The following MAP2K4 variants were observed in gnomAD, a reference collection of about 807,000 sequenced individuals.
The protein encoded by MAP2K4 is dual specificity mitogen-activated protein kinase kinase 4.
Under a neutral mutation model 48.5 loss-of-function variants are expected in MAP2K4, and 4 were observed. The observed-to-expected ratio is 0.08, with a 90% CI of 0.04 to 0.19. MAP2K4 has a LOEUF of 0.19. Among genes scored for constraint, MAP2K4 ranks in the 10% least tolerant of loss-of-function variants. The pLI, the probability that MAP2K4 is intolerant of heterozygous loss-of-function variation, is 1.00. For synonymous variants in MAP2K4, 166 were observed against 173.1 expected (o/e 0.96, Z 0.32); for missense variants, 258 against 493.3 (o/e 0.52, Z 4.52).
intron 2 of MAP2K4, among the ~76,000 whole-genome samples, chr17:12,063,953 C>CA (rs1320931442): frequency 9.4e-6 from 1 of 106,154 alleles, no homozygotes. Flanking sequence ...GCTTGGGTGA[C>CA]AAGAGCAAAA....
chr17:12,102,214 G>C (rs1227286872), intron 4 of MAP2K4, among the ~76,000 whole-genome samples: 1 of 152,002 alleles, frequency 6.6e-6, no homozygotes, highest in East Asian at 1.9e-4. Flanking sequence ...GATTTTGTCA[G>C]GAATGGATGT....
intron 9 of MAP2K4, among the ~76,000 whole-genome samples, 164 bp from the exon 10 acceptor site, chr17:12,139,675 A>G (rs1222033036): frequency 6.6e-6 from 1 of 152,118 alleles, no homozygotes; most frequent in Non-Finnish European, 1.5e-5. Context: ...TAGACTCACA[A>G]TTTTTTGTAT....
chr17:12,047,928 A>G (rs1970017782), intron 1 of MAP2K4, among the ~76,000 whole-genome samples: 2 of 152,316 alleles, frequency 1.3e-5, no homozygotes, highest in South Asian at 2.1e-4. Context: ...TTGTATCTTG[A>G]TTAGTGTTCC....
At chr17:12,053,094 G>T (rs1416540203) in intron 1 of MAP2K4, among the ~76,000 whole-genome samples, 1 of 152,140 alleles carries the variant, frequency 6.6e-6, no homozygotes, top group Admixed American at 6.6e-5. Flanking sequence ...ATTCCATTTG[G>T]TTTCAAGACC....
At chr17:12,054,430 C>T (rs553045187) in intron 1 of MAP2K4, among the ~76,000 whole-genome samples, 180 of 152,010 alleles carry the variant, frequency 1.2e-3, no homozygotes, top group African/African-American at 4.0e-3. Flanking sequence ...TTTACTCTAC[C>T]GTAATGTTTT....
chr17:12,064,962 A>T (rs1970563825), intron 2 of MAP2K4, among the ~76,000 whole-genome samples: 1 of 152,202 alleles, frequency 6.6e-6, no homozygotes, highest in Non-Finnish European at 1.5e-5. Context: ...CACAAAAGAG[A>T]ACATACTGAT....
At chr17:12,042,010 G>GT (rs1969802522) in intron 1 of MAP2K4, among the ~76,000 whole-genome samples, 1 of 151,600 alleles carries the variant, frequency 6.6e-6, no homozygotes, top group Non-Finnish European at 1.5e-5. Flanking sequence ...GCGAAACCCC[G>GT]TCTCTATTAA....
chr17:12,036,890 TC>T (rs905761571), intron 1 of MAP2K4, among the ~76,000 whole-genome samples: 1 of 129,672 alleles, frequency 7.7e-6, no homozygotes, highest in South Asian at 2.7e-4. Flanking sequence ...ATCACTATCC[TC>T]CCCCCCGCCA....
chr17:12,107,441 G>T (rs1597474297), intron 4 of MAP2K4, among the ~76,000 whole-genome samples: 2 of 95,394 alleles, frequency 2.1e-5, no homozygotes, highest in South Asian at 3.2e-4. Context: ...TAAGATTACT[G>T]TCATCTATTT....
intron 10 of MAP2K4, 117 bp downstream of exon 10, chr17:12,140,001 T>G: frequency 1.6e-6 from 1 of 611,972 alleles, no homozygotes. Flanking sequence ...TCAAATTTAT[T>G]GAGTGTTTTT....
chr17:12,047,419 C>T (rs912765159), intron 1 of MAP2K4, among the ~76,000 whole-genome samples: 10 of 152,110 alleles, frequency 6.6e-5, no homozygotes, highest in African/African-American at 2.4e-4. Context: ...TCCCATTTGG[C>T]AGGTATGGCG....
At chr17:12,130,211 G>T (rs28921077) in intron 9 of MAP2K4, among the ~76,000 whole-genome samples, 1 of 152,004 alleles carries the variant, frequency 6.6e-6, no homozygotes, top group African/African-American at 2.4e-5. Flanking sequence ...AAAAATATTT[G>T]TTTGACTATA....
At chr17:12,093,829 T>C (rs1253996106) in intron 3 of MAP2K4, among the ~76,000 whole-genome samples, 1 of 152,178 alleles carries the variant, frequency 6.6e-6, no homozygotes, top group African/African-American at 2.4e-5. Flanking sequence ...CTTTTATAAA[T>C]AATTACCTTC....
At chr17:12,062,732 C>T (rs946388203) in intron 2 of MAP2K4, among the ~76,000 whole-genome samples, 2 of 152,154 alleles carry the variant, frequency 1.3e-5, no homozygotes, top group East Asian at 3.8e-4. Flanking sequence ...TGTATTTCGA[C>T]AATGTTTTCT....
chr17:12,054,050 A>G (rs1331565275), intron 1 of MAP2K4, among the ~76,000 whole-genome samples: 1 of 152,154 alleles, frequency 6.6e-6, no homozygotes, highest in African/African-American at 2.4e-5. Flanking sequence ...ATGATTCTGT[A>G]AGACTTATTG....
At chr17:12,109,088 G>A (rs989102147) in intron 5 of MAP2K4, among the ~76,000 whole-genome samples, 2 of 151,888 alleles carry the variant, frequency 1.3e-5, no homozygotes, top group African/African-American at 4.8e-5. Flanking sequence ...GGTAAATAGT[G>A]TTACCTCATT....
intron 7 of MAP2K4, among the ~76,000 whole-genome samples, chr17:12,114,130 T>C: frequency 6.6e-6 from 1 of 152,194 alleles, no homozygotes; most frequent in East Asian, 1.9e-4. Flanking sequence ...TGTAGACTGT[T>C]TTAAACTAAA....
intron 2 of MAP2K4, among the ~76,000 whole-genome samples, chr17:12,076,279 C>CTG (rs372806903): frequency 0.11 from 15,141 of 134,948 alleles, 895 homozygotes; most frequent in East Asian, 0.2. Context: ...TGTCACAGTT[C>CTG]TGTGTGTGTG....
intron 2 of MAP2K4, among the ~76,000 whole-genome samples, chr17:12,068,846 T>C (rs1035630591): frequency 6.6e-6 from 1 of 152,092 alleles, no homozygotes; most frequent in Non-Finnish European, 1.5e-5. Flanking sequence ...GTTGAAAATA[T>C]GAGTCTGGTG....
Sources: gnomAD v4.1 joint callset for allele counts (sites outside exome capture counted in the v4.1 genomes callset) on GRCh38, gnomAD v4.1.1 for gene constraint, MANE v1.5 for transcripts, NCBI Gene and HGNC (gene_info 2026-07-23, HGNC 2026-07-21) for gene names.